LRRC53: variants seen among roughly 807,000 people sequenced by gnomAD.
LRRC53 encodes the protein leucine-rich repeat-containing protein 53.
In LRRC53, 25 loss-of-function variants were observed where a neutral mutation model predicts 13.6. That is an observed-to-expected ratio of 1.83 (90% confidence interval 1.34 to 2.56). LRRC53 has a LOEUF of 2.56. Ranked by LOEUF, LRRC53 falls within the 30% of genes most tolerant of loss-of-function variation. LRRC53 has a pLI of 0.00. For synonymous variants in LRRC53, 204 were observed against 109.8 expected, an observed-to-expected ratio of 1.86 and a Z score of -5.37; for missense variants, 527 against 275.8, an observed-to-expected ratio of 1.91 and a Z score of -6.45.
rs555980355 is a variant in LRRC53, at chr1:74,511,993, C to T, written c.-27+533G>A. Among the ~76,000 whole-genome samples, 13 of 152,228 alleles carry T rather than the reference C, an allele frequency of 8.5e-5. No homozygotes were observed. In the South Asian group the frequency reaches 2.5e-3, roughly 29 times the overall value. On this transcript the variant is annotated intron_variant, in intron 1 of 4. Coordinates refer to ENST00000294635, the MANE Select transcript of LRRC53 (RefSeq NM_001382280.1). ...AACATGGAGTCAAGTAAGTTCAGTA[C>T]CCAAGGAAAATCGGAAGGAAGAGGG...
chr1:74,524,864 A>G, the LRRC53 span, among the ~76,000 whole-genome samples: 1 of 152,208 alleles, frequency 6.6e-6, no homozygotes, highest in Non-Finnish European at 1.5e-5. Flanking sequence ...ATGCCACTGC[A>G]GGGGTTTGGG....
chr1:74,509,378 T>C (rs1189252455), intron 1 of LRRC53, among the ~76,000 whole-genome samples: 1 of 152,206 alleles, frequency 6.6e-6, no homozygotes, highest in East Asian at 1.9e-4. Flanking sequence ...CGATAGTCAA[T>C]TGTGAATGTG....
In LRRC53 at chr1:74,469,602, G is replaced by A. The variant is rs1329466038; in HGVS notation, c.*276C>T. 2 of 270,814 alleles carry A rather than the reference G, an allele frequency of 7.4e-6. No homozygotes were observed. Among genetic ancestry groups the A allele is most frequent in the East Asian group, 6.1e-5 (1 of 16,314 alleles). The allele number at this position is 270,814 out of a possible 1,614,324, so 16.8% of individuals were successfully genotyped here. ...GCTTTTTTTTTTTCAATGTTTGCTT[G>A]CTTTTGCAAGACTTGGCAAAACTTT... is the stretch of plus-strand genomic sequence containing the variant. On this transcript the variant is annotated 3_prime_UTR_variant, in exon 5 of 5. Transcript: ENST00000294635.
chr1:74,500,116 A>G (rs1280285725), intron 1 of LRRC53, among the ~76,000 whole-genome samples: 1 of 151,874 alleles, frequency 6.6e-6, no homozygotes, highest in Non-Finnish European at 1.5e-5. Context: ...AAGATCTTAG[A>G]CCATTTTAAT....
the LRRC53 span, among the ~76,000 whole-genome samples, chr1:74,528,664 A>C: frequency 6.6e-6 from 1 of 152,168 alleles, no homozygotes; most frequent in African/African-American, 2.4e-5. Flanking sequence ...TTGGAACTGG[A>C]GATGTTGCTG....
chr1:74,524,811 C>T, the LRRC53 span, among the ~76,000 whole-genome samples: 1 of 151,208 alleles, frequency 6.6e-6, no homozygotes, highest in Non-Finnish European at 1.5e-5. Context: ...TGAAGGGGGA[C>T]AGGCCACTGG....
In LRRC53 at chr1:74,483,256, T is replaced by A. The variant is rs745708115; in HGVS notation, c.88+6A>T. The stretch of plus-strand genomic sequence containing the variant: ...CACTGCTTTTTAGAGTTATTAGTTT[T>A]ATTACCTACTATATAGGTTAGCTGG... On this transcript the variant is annotated splice_donor_region_variant and intron_variant, in intron 2 of 4. Coordinates refer to ENST00000294635, the MANE Select transcript of LRRC53 (RefSeq NM_001382280.1). The A allele has an allele frequency of 1.4e-6, 1 of 717,136 alleles. No homozygotes were observed. Among genetic ancestry groups the A allele is most frequent in the South Asian group, 1.5e-5 (1 of 67,572 alleles). The allele number at this position is 717,136 out of a possible 1,614,324, so 44.4% of individuals were successfully genotyped here.
the LRRC53 span, among the ~76,000 whole-genome samples, chr1:74,529,188 A>C: frequency 6.6e-6 from 1 of 152,200 alleles, no homozygotes; most frequent in African/African-American, 2.4e-5. Context: ...AAAGAGAAAA[A>C]GAGTAATTTT....
chr1:74,499,268 A>G (rs1669487582), intron 1 of LRRC53, among the ~76,000 whole-genome samples: 1 of 152,320 alleles, frequency 6.6e-6, no homozygotes, highest in Non-Finnish European at 1.5e-5. Flanking sequence ...GAGCCTCCTG[A>G]GTAGCTGGGA....
rs989062832 is a variant in LRRC53, at chr1:74,474,629, G to A, written c.1420+666C>T. Among the ~76,000 whole-genome samples the A allele has an allele frequency of 5.9e-5, 9 of 152,068 alleles. No individual in the cohort carries two copies. The East Asian group carries it at 7.7e-4, about 13-fold the overall frequency. On this transcript the variant is annotated intron_variant, in intron 4 of 4. Transcript: ENST00000294635. Reference sequence around the variant, plus strand: ...CATTTTCACTGCTGAGCCTGAATGCGTAGCCTTACTATTCAGGAAGAAAAA... The same window carrying A: ...CATTTTCACTGCTGAGCCTGAATGCATAGCCTTACTATTCAGGAAGAAAAA...
At chr1:74,509,245 C>T (rs1010202131) in intron 1 of LRRC53, among the ~76,000 whole-genome samples, 1 of 152,118 alleles carries the variant, frequency 6.6e-6, no homozygotes, top group Non-Finnish European at 1.5e-5. Flanking sequence ...GTCAAGTTGC[C>T]ATTTGGAATA....
At chr1:74,497,677 C>T (rs1669399905) in intron 1 of LRRC53, among the ~76,000 whole-genome samples, 1 of 152,040 alleles carries the variant, frequency 6.6e-6, no homozygotes, top group Non-Finnish European at 1.5e-5. Context: ...CTCTCTGCTT[C>T]CTAGCGTTTG....
At chr1:74,504,891 G>A (rs1041565679) in intron 1 of LRRC53, among the ~76,000 whole-genome samples, 1 of 152,154 alleles carries the variant, frequency 6.6e-6, no homozygotes. Flanking sequence ...CAAGCGTTTT[G>A]TAATACTAAT....
chr1:74,503,806 A>T (rs905072801), intron 1 of LRRC53, among the ~76,000 whole-genome samples: 15 of 152,208 alleles, frequency 9.9e-5, no homozygotes, highest in Non-Finnish European at 1.8e-4. Flanking sequence ...TTTACTAATT[A>T]ACAAAATCAG....
chr1:74,520,302 A>G, the LRRC53 span, among the ~76,000 whole-genome samples: 4 of 152,162 alleles, frequency 2.6e-5, no homozygotes, highest in Non-Finnish European at 5.9e-5. Flanking sequence ...TATGGCATTT[A>G]AATACACGTA....
At chr1:74,503,711 G>C (rs1669750625) in intron 1 of LRRC53, among the ~76,000 whole-genome samples, 1 of 152,182 alleles carries the variant, frequency 6.6e-6, no homozygotes, top group Non-Finnish European at 1.5e-5. Context: ...AGAGAAGCTA[G>C]AATCTAAGCA....
intron 1 of LRRC53, among the ~76,000 whole-genome samples, chr1:74,483,920 A>T (rs948816101): frequency 6.6e-6 from 1 of 152,206 alleles, no homozygotes; most frequent in Non-Finnish European, 1.5e-5. Context: ...TGATGTCAAG[A>T]TTAAGCTCAC....
At chr1:74,488,914 A>G (rs1169080429) in intron 1 of LRRC53, among the ~76,000 whole-genome samples, 1 of 152,216 alleles carries the variant, frequency 6.6e-6, no homozygotes, top group Non-Finnish European at 1.5e-5. Context: ...TGCCATTTAA[A>G]AACATGCAAA....
the LRRC53 span, among the ~76,000 whole-genome samples, chr1:74,519,791 GC>G: frequency 6.6e-6 from 1 of 152,244 alleles, no homozygotes; most frequent in African/African-American, 2.4e-5. Context: ...TCAAGCCAAA[GC>G]TTTAAGTTTA....
Sources: allele counts gnomAD v4.1 joint callset (sites outside exome capture counted in the v4.1 genomes callset), GRCh38; gene constraint gnomAD v4.1.1; transcripts MANE v1.5; gene names NCBI Gene and HGNC (gene_info 2026-07-23, HGNC 2026-07-21).